The following ATRN variants were observed in gnomAD, a reference collection of about 807,000 sequenced individuals.
ATRN encodes attractin, also known as attractin-2.
A neutral mutation model predicts 178.7 loss-of-function variants in ATRN; 54 were observed. The observed-to-expected ratio is 0.30, with a 90% CI of 0.24 to 0.38. The LOEUF (loss-of-function observed/expected upper bound fraction) is 0.38. Among genes scored for constraint, ATRN ranks in the 10% least tolerant of loss-of-function variants. The pLI is 1.00. For synonymous variants in ATRN, 636 were observed against 663.0 expected (o/e 0.96, Z 0.63); for missense variants, 1,443 against 1,815.1 (o/e 0.79, Z 3.73).
chr20:3,576,094 T>C (rs1158561507), intron 13 of ATRN, 146 bp downstream of exon 13: 1 of 993,574 alleles, frequency 1.0e-6, no homozygotes, highest in East Asian at 2.8e-5. Context: ...GGTTTTCCTT[T>C]AGGAAGAGAT....
In ATRN at chr20:3,471,089, C is replaced by G. The variant is rs1308400310; in HGVS notation, c.-19C>G. 1.0e-5 allele frequency: 15 copies of G among 1,507,404 alleles called. No homozygotes were observed. In the Admixed American group the frequency reaches 2.0e-4, roughly 21 times the overall value. The allele number at this position is 1,507,404 out of a possible 1,614,324, so 93.4% of individuals were successfully genotyped here. A position where few individuals can be genotyped will look rare whatever the true frequency, so the allele number is the denominator to read the frequency against. On this transcript the variant is annotated 5_prime_UTR_variant, in exon 1 of 29. Coordinates refer to ENST00000262919, the MANE Select transcript of ATRN (RefSeq NM_139321.3). ...TGTGTGTGTATGTGTTCGCGGGGCG[C>G]CGTCTCAGCCCCGGGAAGATGGTGG...
intron 5 of ATRN, among the ~76,000 whole-genome samples, chr20:3,548,408 T>C (rs894752722): frequency 2.6e-5 from 4 of 152,168 alleles, no homozygotes; most frequent in Admixed American, 2.6e-4. Context: ...GAGACCAGCT[T>C]GGCCAACATG....
rs372349733 is a variant in ATRN, at chr20:3,587,996, G to A, written c.3184+3116G>A. Among the ~76,000 whole-genome samples the A allele has an allele frequency of 1.8e-4, 28 of 152,198 alleles. No homozygotes were observed. The East Asian group carries it at 5.4e-3, about 29-fold the overall frequency. Reference sequence around the variant, plus strand: ...CGAGTAACTGGTACTACAGGCATGAGCTACCAACACCCAGCTAATTTTTAT... The same window carrying A: ...CGAGTAACTGGTACTACAGGCATGAACTACCAACACCCAGCTAATTTTTAT... On this transcript the variant is annotated intron_variant, in intron 18 of 28. Coordinates refer to ENST00000262919, the MANE Select transcript of ATRN (RefSeq NM_139321.3).
intron 19 of ATRN, 37 bp downstream of exon 19, chr20:3,591,343 GGT>G (rs757939367): frequency 6.3e-7 from 1 of 1,598,862 alleles, no homozygotes; most frequent in Admixed American, 1.7e-5. Context: ...ATGGCAAATC[GGT>G]GTGGAACACA....
intron 25 of ATRN, among the ~76,000 whole-genome samples, chr20:3,631,310 C>T (rs1273637087): frequency 6.6e-6 from 1 of 152,044 alleles, no homozygotes; most frequent in East Asian, 1.9e-4. Context: ...CCAGATAATC[C>T]TAAGCACTCT....
chr20:3,488,340 C>T (rs1289583573), intron 1 of ATRN, among the ~76,000 whole-genome samples: 1 of 152,092 alleles, frequency 6.6e-6, no homozygotes, highest in Non-Finnish European at 1.5e-5. Context: ...ACACTTAAAT[C>T]TACAGTCCAC....
chr20:3,575,138 A>G (rs2243656), intron 12 of ATRN, among the ~76,000 whole-genome samples: 115,138 of 152,036 alleles, frequency 0.76, 44,031 homozygotes, highest in East Asian at 1. Flanking sequence ...TAATTTTTCT[A>G]GGTTTAGTAG....
intron 4 of ATRN, 116 bp downstream of exon 4, chr20:3,546,006 T>C: frequency 8.6e-7 from 1 of 1,156,736 alleles, no homozygotes; most frequent in Non-Finnish European, 1.2e-6. Flanking sequence ...GCAGTTTACA[T>C]GGATTTTCTC....
chr20:3,613,872 A>AT (rs2086801841), intron 24 of ATRN, among the ~76,000 whole-genome samples: 1 of 152,198 alleles, frequency 6.6e-6, no homozygotes, highest in Non-Finnish European at 1.5e-5. Context: ...GATTTTAAAA[A>AT]TTGAGATTCT....
intron 24 of ATRN, among the ~76,000 whole-genome samples, chr20:3,622,374 G>A (rs1251871527): frequency 1.1e-4 from 17 of 152,226 alleles, no homozygotes; most frequent in Non-Finnish European, 2.9e-5. Flanking sequence ...TTCTCCAACA[G>A]CGCTTCCACT....
At chr20:3,505,962 G>T (rs1398502887) in intron 1 of ATRN, among the ~76,000 whole-genome samples, 3 of 152,160 alleles carry the variant, frequency 2.0e-5, no homozygotes, top group Non-Finnish European at 4.4e-5. Context: ...GCAATATGGG[G>T]AATCCTTATA....
intron 22 of ATRN, among the ~76,000 whole-genome samples, chr20:3,598,492 C>A (rs2086562737): frequency 6.6e-6 from 1 of 152,172 alleles, no homozygotes; most frequent in Non-Finnish European, 1.5e-5. Flanking sequence ...TTCTTAGCCT[C>A]ATTAGGAGGC....
chr20:3,613,673 C>G (rs541279441), intron 24 of ATRN, among the ~76,000 whole-genome samples: 12 of 152,042 alleles, frequency 7.9e-5, no homozygotes, highest in African/African-American at 2.7e-4. Context: ...CTTTGATTCT[C>G]ATTTTTTAAA....
At chr20:3,623,765 A>C (rs1475933257) in intron 24 of ATRN, among the ~76,000 whole-genome samples, 2 of 152,160 alleles carry the variant, frequency 1.3e-5, no homozygotes, top group African/African-American at 4.8e-5. Flanking sequence ...GTATTTAATC[A>C]ATTTGGAGGT....
intron 15 of ATRN, among the ~76,000 whole-genome samples, chr20:3,580,743 G>A (rs773414239): frequency 3.3e-4 from 50 of 152,188 alleles, no homozygotes; most frequent in Non-Finnish European, 7.2e-4. Flanking sequence ...GGCTGGATGG[G>A]AGGGGATTTT....
At position 3,638,922 on chromosome 20, in the gene ATRN, G is replaced by C. The variant is rs748218876; in HGVS notation, c.4037G>C (p.Gly1346Ala). Residue 1346 changes from glycine to alanine, a missense_variant, in exon 27 of 29, where the codon GGG becomes GCG. This residue lies in a region of ATRN where 289 missense variants were observed against 440.8 expected (regional missense o/e 0.66). Coordinates refer to ENST00000262919, the MANE Select transcript of ATRN (RefSeq NM_139321.3). This position sits in a 1 kb window ranked among gnomAD's most constrained non-coding sequence, Gnocchi z 4.5. ...ETDEEPPDLIGGSIKTVPKPI... is the reference protein window; with the variant it reads ...ETDEEPPDLIAGSIKTVPKPI... The stretch of plus-strand genomic sequence containing the variant: ...GATGAGGAGCCTCCTGATCTTATTG[G>C]GGGGAGTATAAAGGTGAGAATGTGA... 9.3e-6 allele frequency: 15 copies of C among 1,613,896 alleles called. No homozygotes were observed. The highest frequency in any genetic ancestry group is 1.3e-5 in the Non-Finnish European group (15 of 1,179,852).
rs1475520713 is a variant in ATRN, at chr20:3,575,819, C to A, written c.2093-8C>A. The A allele has an allele frequency of 3.8e-6, 6 of 1,595,478 alleles. No individual in the cohort carries two copies. Among genetic ancestry groups the A allele is most frequent in the South Asian group, 1.2e-5 (1 of 86,742 alleles). On this transcript the variant is annotated splice_region_variant and splice_polypyrimidine_tract_variant and intron_variant, in intron 12 of 28. Transcript: ENST00000262919. ...GTCCCAGTTCATGAGATTTTGTTTT[C>A]TTTGCAGCTCTTGACCATGACAGAT...
At chr20:3,562,925 A>C (rs2085975071) in intron 9 of ATRN, among the ~76,000 whole-genome samples, 1 of 152,200 alleles carries the variant, frequency 6.6e-6, no homozygotes, top group African/African-American at 2.4e-5. Flanking sequence ...TTATGCATTA[A>C]GCTTCTGTCA....
chr20:3,630,904 G>T (rs374839863), intron 25 of ATRN, among the ~76,000 whole-genome samples: 4 of 97,808 alleles, frequency 4.1e-5, no homozygotes, highest in East Asian at 3.0e-4. Context: ...ATGTCTAAAA[G>T]AATTTATTTA....
Sources: allele counts gnomAD v4.1 joint callset (sites outside exome capture counted in the v4.1 genomes callset), GRCh38; gene constraint gnomAD v4.1.1; regional missense constraint gnomAD v4.1.1; non-coding constraint Gnocchi (gnomAD v3.1); transcripts MANE v1.5; gene names NCBI Gene and HGNC (gene_info 2026-07-23, HGNC 2026-07-21).